ITGA8: variants seen among roughly 807,000 people sequenced by gnomAD.
ITGA8 encodes integrin alpha-8.
A neutral mutation model predicts 142.3 loss-of-function variants in ITGA8; 91 were observed. The observed-to-expected ratio is 0.64, with a 90% CI of 0.54 to 0.76. The LOEUF (loss-of-function observed/expected upper bound fraction) is 0.76, where lower values mean the gene tolerates loss of function less well. Among genes scored for constraint, ITGA8 ranks in the 30% least tolerant of loss-of-function variants. The probability of loss-of-function intolerance (pLI) is 0.00; values close to 1 mark genes in which losing one functional copy is unlikely to be tolerated. For synonymous variants in ITGA8, 505 were observed against 485.2 expected (o/e 1.04, Z -0.54); for missense variants, 1,406 against 1,327.7 (o/e 1.06, Z -0.92).
chr10:15,653,883 G>A (rs1196711247), intron 11 of ITGA8, among the ~76,000 whole-genome samples: 1 of 150,712 alleles, frequency 6.6e-6, no homozygotes, highest in Non-Finnish European at 1.5e-5. Flanking sequence ...TGCCCAGGCT[G>A]GAGTGCAGTG....
chr10:15,641,482 TAA>T (rs978639079), intron 13 of ITGA8, among the ~76,000 whole-genome samples: 1 of 152,206 alleles, frequency 6.6e-6, no homozygotes, highest in Non-Finnish European at 1.5e-5. Flanking sequence ...GCTATGAAGT[TAA>T]AAAGGCTTCT....
chr10:15,706,913 C>T (rs1448589578), intron 2 of ITGA8, among the ~76,000 whole-genome samples: 3 of 152,122 alleles, frequency 2.0e-5, no homozygotes, highest in Non-Finnish European at 4.4e-5. Context: ...TCACTCTTGC[C>T]CCGATTTGCT....
At chr10:15,691,735 G>T (rs1834938074) in intron 2 of ITGA8, among the ~76,000 whole-genome samples, 1 of 152,124 alleles carries the variant, frequency 6.6e-6, no homozygotes, top group South Asian at 2.1e-4. Context: ...TTGTCAAAAG[G>T]TACAAAGTTT....
In ITGA8 at chr10:15,524,352, A is replaced by G. The variant is rs1387789100; in HGVS notation, c.2983-4940T>C. Reference sequence around the variant, plus strand: ...CGTGCAGAGGAGATGCTTGACTCTTACTGGAAAGAGTTAGACAAGGAGCCA... The same window carrying G: ...CGTGCAGAGGAGATGCTTGACTCTTGCTGGAAAGAGTTAGACAAGGAGCCA... On this transcript the variant is annotated intron_variant, in intron 28 of 29. Transcript: ENST00000378076. 2.0e-5 allele frequency among the ~76,000 whole-genome samples: 3 copies of G among 152,212 alleles called. No individual in the cohort carries two copies. In the East Asian group the frequency reaches 5.8e-4, roughly 29 times the overall value.
At chr10:15,638,051 T>C (rs1793421181) in intron 13 of ITGA8, among the ~76,000 whole-genome samples, 2 of 152,140 alleles carry the variant, frequency 1.3e-5, no homozygotes, top group African/African-American at 4.8e-5. Flanking sequence ...TAATAATTAG[T>C]ATAATTGAAA....
chr10:15,674,563 A>G (rs948408255), intron 6 of ITGA8, among the ~76,000 whole-genome samples: 2 of 152,208 alleles, frequency 1.3e-5, no homozygotes, highest in Non-Finnish European at 2.9e-5. Flanking sequence ...GTTTTTAAAT[A>G]CCAAAATGTT....
At chr10:15,698,996 T>C (rs2131723944) in intron 2 of ITGA8, among the ~76,000 whole-genome samples, 1 of 152,298 alleles carries the variant, frequency 6.6e-6, no homozygotes, top group Admixed American at 6.5e-5. Context: ...TAAGAAAACA[T>C]GGCATTTGGC....
Position 15,592,213 on chromosome 10 carries a change from T to A in ITGA8, c.2291+12A>T. 1 of 1,600,600 alleles carries A rather than the reference T, an allele frequency of 6.2e-7. No individual in the cohort carries two copies. The highest frequency in any genetic ancestry group is 8.6e-7 in the Non-Finnish European group (1 of 1,168,106). ...GACTGCTGTCAACGATATAGGCATG[T>A]AAAGGTCTAACCTTCTGATTTGGAG... On this transcript the variant is annotated intron_variant, in intron 22 of 29. Coordinates refer to ENST00000378076, the MANE Select transcript of ITGA8 (RefSeq NM_003638.3).
intron 13 of ITGA8, among the ~76,000 whole-genome samples, chr10:15,639,160 T>C (rs1477761585): frequency 6.6e-6 from 1 of 150,800 alleles, no homozygotes; most frequent in Non-Finnish European, 1.5e-5. Context: ...CCCCTGCCCC[T>C]TCCTGAGTGG....
In ITGA8 at chr10:15,719,882, C is replaced by T. The variant is rs935219528; in HGVS notation, c.-111G>A. 1.2e-6 allele frequency: 1 copy of T among 833,062 alleles called. No homozygotes were observed. Among genetic ancestry groups the T allele is most frequent in the Non-Finnish European group, 1.6e-6 (1 of 615,348 alleles). The allele number at this position is 833,062 out of a possible 1,614,324, so 51.6% of individuals were successfully genotyped here. A position where few individuals can be genotyped will look rare whatever the true frequency, so the allele number is the denominator to read the frequency against. On this transcript the variant is annotated 5_prime_UTR_variant, in exon 1 of 30. Transcript: ENST00000378076. ...GTCCCCAGCTGCCCGTGTCCCGGGT[C>T]GGTGCGCTCGGCGCACCCGTGGTGA... is the stretch of plus-strand genomic sequence containing the variant.
intron 11 of ITGA8, among the ~76,000 whole-genome samples, chr10:15,651,542 T>C (rs1834085349): frequency 6.6e-6 from 1 of 152,144 alleles, no homozygotes; most frequent in Non-Finnish European, 1.5e-5. Flanking sequence ...TTTTTTTTTT[T>C]TCGTGATGTT....
At chr10:15,535,215 C>T (rs1452996535) in intron 27 of ITGA8, among the ~76,000 whole-genome samples, 4 of 152,094 alleles carry the variant, frequency 2.6e-5, no homozygotes, top group Non-Finnish European at 4.4e-5. Context: ...CCTGAGCCTC[C>T]CCCCACCCTC....
chr10:15,581,748 A>G (rs1834410991), intron 23 of ITGA8, among the ~76,000 whole-genome samples: 1 of 152,248 alleles, frequency 6.6e-6, no homozygotes, highest in South Asian at 2.1e-4. Context: ...TCAAAATCTC[A>G]GGATACACTC....
At chr10:15,675,782 G>C (rs879619358) in intron 6 of ITGA8, among the ~76,000 whole-genome samples, 12 of 152,194 alleles carry the variant, frequency 7.9e-5, no homozygotes, top group Non-Finnish European at 1.0e-4. Flanking sequence ...ATCCCCCAGT[G>C]GTTTTCCATA....
At chr10:15,674,736 G>T (rs931679853) in intron 6 of ITGA8, among the ~76,000 whole-genome samples, 3 of 152,054 alleles carry the variant, frequency 2.0e-5, no homozygotes, top group African/African-American at 7.2e-5. Flanking sequence ...AGGATCAGGA[G>T]TTTGAGACCA....
chr10:15,719,521 G>A (rs773696016), intron 1 of ITGA8, 42 bp downstream of exon 1: 3 of 1,486,988 alleles, frequency 2.0e-6, no homozygotes, highest in East Asian at 5.5e-5. Context: ...ACCCGGGAGC[G>A]CCTTCGTCCC....
chr10:15,638,567 G>A (rs1833813321), intron 13 of ITGA8, among the ~76,000 whole-genome samples: 1 of 152,212 alleles, frequency 6.6e-6, no homozygotes, highest in African/African-American at 2.4e-5. Flanking sequence ...TTTATCTCAA[G>A]AATGGGAAAA....
At position 15,679,681 on chromosome 10, in the gene ITGA8, A is replaced by C. The variant is rs571224388; in HGVS notation, c.569-898T>G. 3.9e-5 allele frequency among the ~76,000 whole-genome samples: 6 copies of C among 152,352 alleles called. No homozygotes were observed. In the South Asian group the frequency reaches 1.0e-3, roughly 26 times the overall value. ...CAGTCTCACTGGACATTGCAATGCT[A>C]GTGTTCACAAAAGAGAAAATTCTAG... On this transcript the variant is annotated intron_variant, in intron 4 of 29. Transcript: ENST00000378076.
intron 20 of ITGA8, among the ~76,000 whole-genome samples, chr10:15,598,738 C>T (rs1421793005): frequency 6.6e-6 from 1 of 152,194 alleles, no homozygotes; most frequent in Admixed American, 6.5e-5. Flanking sequence ...GATACACAGA[C>T]ACATGGAAAT....
Sources: gnomAD v4.1 joint callset for allele counts (sites outside exome capture counted in the v4.1 genomes callset) on GRCh38, gnomAD v4.1.1 for gene constraint, MANE v1.5 for transcripts, NCBI Gene and HGNC (gene_info 2026-07-23, HGNC 2026-07-21) for gene names.